The following ASTN2 variants were observed in gnomAD, a reference collection of about 807,000 sequenced individuals.
The protein encoded by ASTN2 is astrotactin-2.
ASTN2 carries 54 observed loss-of-function variants against 139.8 expected under a neutral mutation model. The observed-to-expected ratio is 0.39, with a 90% CI of 0.31 to 0.48. The LOEUF (loss-of-function observed/expected upper bound fraction) is 0.48. Ranked by LOEUF, ASTN2 falls within the 20% of genes least tolerant of loss-of-function variation. The pLI is 0.95. For missense variants in ASTN2, 1,565 were observed against 1,725.1 expected, an observed-to-expected ratio of 0.91 and a Z score of 1.64; for synonymous variants, 756 against 719.5, an observed-to-expected ratio of 1.05 and a Z score of -0.81.
At chr9:116,705,729 C>A (rs1025095773) in intron 16 of ASTN2, among the ~76,000 whole-genome samples, 2 of 151,774 alleles carry the variant, frequency 1.3e-5, no homozygotes, top group African/African-American at 4.8e-5. Flanking sequence ...GGTATGTAAA[C>A]AAATAATAAA....
At chr9:117,347,546 C>T (rs1416503976) in intron 1 of ASTN2, among the ~76,000 whole-genome samples, 3 of 152,092 alleles carry the variant, frequency 2.0e-5, no homozygotes, top group African/African-American at 7.2e-5. Context: ...AGAGTTTGCC[C>T]TGAATCACAC....
chr9:116,515,259 T>C (rs1356227143), intron 19 of ASTN2, among the ~76,000 whole-genome samples: 1 of 152,240 alleles, frequency 6.6e-6, no homozygotes, highest in Non-Finnish European at 1.5e-5. Context: ...TTCAGGGGTT[T>C]ACCCCTTAGG....
chr9:116,855,707 G>C (rs1391135480), intron 11 of ASTN2, among the ~76,000 whole-genome samples: 1 of 152,178 alleles, frequency 6.6e-6, no homozygotes, highest in Non-Finnish European at 1.5e-5. Flanking sequence ...GAGTTTGACA[G>C]AGTTTGGAGT....
At chr9:117,385,896 G>A (rs1022023945) in intron 1 of ASTN2, among the ~76,000 whole-genome samples, 3 of 152,168 alleles carry the variant, frequency 2.0e-5, no homozygotes, top group African/African-American at 7.2e-5. Context: ...TGAAGCTGGG[G>A]GTGAATTTCT....
intron 20 of ASTN2, among the ~76,000 whole-genome samples, chr9:116,457,345 G>T (rs1348395903): frequency 6.6e-6 from 1 of 152,008 alleles, no homozygotes. Flanking sequence ...AGAAAAAAAT[G>T]AACAAATGGG....
intron 17 of ASTN2, among the ~76,000 whole-genome samples, chr9:116,630,298 C>T (rs1213503608): frequency 6.6e-6 from 1 of 152,172 alleles, no homozygotes; most frequent in African/African-American, 2.4e-5. Flanking sequence ...GCTTAACCTC[C>T]ATGGGTCACT....
In ASTN2 at chr9:117,194,816, A is replaced by G. The variant is rs974168688; in HGVS notation, c.1015+19542T>C. 3.9e-5 allele frequency among the ~76,000 whole-genome samples: 6 copies of G among 152,360 alleles called. No homozygotes were observed. In the East Asian group the frequency reaches 1.2e-3, roughly 29 times the overall value. Reference sequence around the variant, plus strand: ...ATATCTAGATTTTGATAAGGATAATACATTCTTTATGAGATAGATGCAAAG... The same window carrying G: ...ATATCTAGATTTTGATAAGGATAATGCATTCTTTATGAGATAGATGCAAAG... On this transcript the variant is annotated intron_variant, in intron 3 of 22. Transcript: ENST00000313400.
chr9:117,044,152 T>C (rs915799845), intron 5 of ASTN2, among the ~76,000 whole-genome samples: 1 of 152,180 alleles, frequency 6.6e-6, no homozygotes, highest in Non-Finnish European at 1.5e-5. Context: ...GTCTCATCAT[T>C]GATGACAGAA....
At chr9:117,103,490 G>C (rs548108869) in intron 4 of ASTN2, among the ~76,000 whole-genome samples, 51 of 152,264 alleles carry the variant, frequency 3.3e-4, no homozygotes. Flanking sequence ...AAAGTATGGA[G>C]CAAGATGATA....
At chr9:117,029,320 A>G (rs1838183222) in intron 6 of ASTN2, among the ~76,000 whole-genome samples, 1 of 152,180 alleles carries the variant, frequency 6.6e-6, no homozygotes, top group Admixed American at 6.5e-5. Context: ...TTTGAAAAAC[A>G]GGATCTATAG....
chr9:116,447,581 G>C (rs751974831), intron 20 of ASTN2, among the ~76,000 whole-genome samples: 7 of 152,134 alleles, frequency 4.6e-5, no homozygotes, highest in African/African-American at 1.2e-4. Context: ...CATGGCTTTG[G>C]GATCAGCCAA....
chr9:116,780,911 C>A (rs1830203296), intron 13 of ASTN2, among the ~76,000 whole-genome samples: 1 of 150,886 alleles, frequency 6.6e-6, no homozygotes, highest in Non-Finnish European at 1.5e-5. Context: ...GCGATCTTGG[C>A]TCACTGCAAC....
In ASTN2 at chr9:116,671,659, A is replaced by G. The variant is rs1859201785; in HGVS notation, c.2807-19866T>C. The stretch of plus-strand genomic sequence containing the variant: ...TCTGTGATTAGGTTACAAAAGAGGT[A>G]ACTTCCATTGTATTAGACTCCCTCT... On this transcript the variant is annotated intron_variant, in intron 16 of 22. Coordinates refer to ENST00000313400, the MANE Select transcript of ASTN2 (RefSeq NM_001365068.1). Among the ~76,000 whole-genome samples the G allele has an allele frequency of 2.0e-5, 3 of 150,534 alleles. No individual in the cohort carries two copies. In the East Asian group the frequency reaches 6.0e-4, roughly 30 times the overall value.
chr9:117,173,353 A>T (rs1830839341), intron 3 of ASTN2, among the ~76,000 whole-genome samples: 1 of 152,146 alleles, frequency 6.6e-6, no homozygotes, highest in Admixed American at 6.5e-5. Flanking sequence ...CAGGCAAAAA[A>T]TTAGATATAG....
intron 16 of ASTN2, among the ~76,000 whole-genome samples, chr9:116,682,951 CA>C (rs1859977383): frequency 6.6e-6 from 1 of 151,720 alleles, no homozygotes; most frequent in South Asian, 2.1e-4. Context: ...GGGTGCAGCA[CA>C]CCAGCATGGC....
chr9:116,845,927 T>A (rs1244189378), intron 11 of ASTN2, among the ~76,000 whole-genome samples: 1 of 152,226 alleles, frequency 6.6e-6, no homozygotes. Flanking sequence ...TACACCCTTA[T>A]TCATAGCATT....
rs201250793 is a variant in ASTN2 at position 116,519,988 on chromosome 9, AAGC to A, written c.3356-32491_3356-32489del. Among the ~76,000 whole-genome samples, 951 of 152,244 alleles carry A rather than the reference AAGC, an allele frequency of 6.2e-3. 13 individuals are homozygous for A. The highest frequency in any genetic ancestry group is 0.021 in the African/African-American group (890 of 41,562). On this transcript the variant is annotated intron_variant, in intron 19 of 22. Coordinates refer to ENST00000313400, the MANE Select transcript of ASTN2 (RefSeq NM_001365068.1). ...TAGAATCTCTGAACAGACCAAAAACAAGCAGTGAGATTGAAATAATAATTTAAA... is the reference window on the plus strand; with the variant it reads ...TAGAATCTCTGAACAGACCAAAAACAAGTGAGATTGAAATAATAATTTAAA...
At chr9:116,921,440 T>C (rs373886675) in intron 10 of ASTN2, among the ~76,000 whole-genome samples, 13 of 151,904 alleles carry the variant, frequency 8.6e-5, no homozygotes, top group African/African-American at 2.7e-4. Flanking sequence ...TACAAAAAAT[T>C]AGCCAGGTGT....
At chr9:116,924,365 G>A (rs2132440970) in intron 10 of ASTN2, among the ~76,000 whole-genome samples, 1 of 149,092 alleles carries the variant, frequency 6.7e-6, no homozygotes, top group East Asian at 2.0e-4. Flanking sequence ...AGGAGGCAGA[G>A]GTTACAGTGA....
Sources: allele counts gnomAD v4.1 joint callset (sites outside exome capture counted in the v4.1 genomes callset), GRCh38; gene constraint gnomAD v4.1.1; transcripts MANE v1.5; gene names NCBI Gene and HGNC (gene_info 2026-07-23, HGNC 2026-07-21).